Variants in DMD observed in about 807,000 individuals in gnomAD.
DMD encodes the protein mutant dystrophin.
Under a neutral mutation model 330.1 loss-of-function variants are expected in DMD, and 63 were observed. The observed-to-expected ratio is 0.19, with a 90% confidence interval of 0.16 to 0.24. The LOEUF is 0.24. DMD is among the 10% of genes least tolerant of loss of function. The pLI is 1.00. For missense variants in DMD, 3,344 were observed against 2,684.1 expected, an observed-to-expected ratio of 1.25 and a Z score of -5.43; for synonymous variants, 1,223 against 959.8, an observed-to-expected ratio of 1.27 and a Z score of -5.07.
chrX:32,887,399 G>A (rs948902809), intron 2 of DMD, among the ~76,000 whole-genome samples: 17 of 109,681 alleles, frequency 1.5e-4, no homozygotes, highest in African/African-American at 5.6e-4. Context: ...TTATATACAA[G>A]AATCGACTCA....
At chrX:33,191,008 T>TA (rs1196783036) in intron 1 of DMD, among the ~76,000 whole-genome samples, 8 of 11,325 alleles carry the variant, frequency 7.1e-4, no homozygotes, top group East Asian at 0.021. Flanking sequence ...TATAATATTA[T>TA]ATATATATAT....
chrX:32,452,298 G>GGAAAGT (rs2098333062), intron 26 of DMD, among the ~76,000 whole-genome samples: 1 of 17,690 alleles, frequency 5.7e-5, no homozygotes, highest in African/African-American at 1.5e-4. Flanking sequence ...GAAAGGAAAA[G>GGAAAGT]GAAAGGGAAA....
chrX:31,393,381 G>A (rs1321082389), intron 60 of DMD, among the ~76,000 whole-genome samples: 1 of 107,312 alleles, frequency 9.3e-6, no homozygotes, highest in Non-Finnish European at 1.9e-5. Flanking sequence ...GGAGGCTGAG[G>A]CAGGGGAATT....
intron 44 of DMD, among the ~76,000 whole-genome samples, chrX:32,137,925 A>G (rs1218637929): frequency 9.1e-6 from 1 of 109,583 alleles, no homozygotes; most frequent in Admixed American, 9.8e-5. Context: ...ATGACTAATT[A>G]TAACAGCTCT....
chrX:33,268,213 C>T (rs2053082276), intron 1 of DMD, among the ~76,000 whole-genome samples: 1 of 110,892 alleles, frequency 9.0e-6, no homozygotes, highest in African/African-American at 3.3e-5. Flanking sequence ...TGCTTTCGAA[C>T]TCCTGGCTTC....
intron 63 of DMD, among the ~76,000 whole-genome samples, chrX:31,246,573 T>C (rs2048847309): frequency 8.9e-6 from 1 of 112,454 alleles, no homozygotes; most frequent in South Asian, 3.7e-4. Flanking sequence ...CTAATGCAGC[T>C]GGTGACTAAG....
intron 1 of DMD, among the ~76,000 whole-genome samples, chrX:33,141,489 T>C (rs1194480665): frequency 9.0e-6 from 1 of 111,524 alleles, no homozygotes; most frequent in Non-Finnish European, 1.9e-5. Context: ...GGTTGACTTG[T>C]GCACTCAAAA....
intron 77 of DMD, among the ~76,000 whole-genome samples, chrX:31,130,922 T>G (rs988265537): frequency 8.9e-6 from 1 of 112,095 alleles, no homozygotes; most frequent in Non-Finnish European, 1.9e-5. Flanking sequence ...CGGCTTTTCC[T>G]CTGTGGGCAA....
At chrX:33,294,706 C>G (rs952393546) in intron 1 of DMD, among the ~76,000 whole-genome samples, 1 of 107,823 alleles carries the variant, frequency 9.3e-6, no homozygotes, top group African/African-American at 3.4e-5. Context: ...TTCTAGTTAA[C>G]ATATATTTTA....
At chrX:31,750,192 T>C (rs1461799384) in intron 51 of DMD, among the ~76,000 whole-genome samples, 15 of 109,864 alleles carry the variant, frequency 1.4e-4, no homozygotes, top group African/African-American at 5.0e-4. Flanking sequence ...CCCTTGCTTT[T>C]GGTGTTTTAG....
chrX:32,336,868 C>T (rs1364608200), intron 41 of DMD, among the ~76,000 whole-genome samples: 1 of 111,546 alleles, frequency 9.0e-6, no homozygotes, highest in Non-Finnish European at 1.9e-5. Context: ...CTTTAGGCCT[C>T]TATGTTAGCA....
At chrX:33,171,193 T>TC (rs2049323237) in intron 1 of DMD, among the ~76,000 whole-genome samples, 2 of 106,980 alleles carry the variant, frequency 1.9e-5, no homozygotes, top group Admixed American at 1.0e-4. Flanking sequence ...GAACACTCCT[T>TC]TAAACTCTCT....
At chrX:32,196,690 A>C (rs984047313) in intron 44 of DMD, among the ~76,000 whole-genome samples, 1 of 111,148 alleles carries the variant, frequency 9.0e-6, no homozygotes, top group Admixed American at 9.6e-5. Context: ...GGATCATGAT[A>C]AAACAAGACA....
intron 41 of DMD, among the ~76,000 whole-genome samples, chrX:32,322,389 T>C (rs947991724): frequency 9.1e-6 from 1 of 110,259 alleles, no homozygotes; most frequent in African/African-American, 3.3e-5. Flanking sequence ...TGACACATCA[T>C]CTCTACAAAC....
chrX:32,460,681 T>G lies in DMD; in HGVS notation c.3432+2758A>C, dbSNP rs187607829. Among the ~76,000 whole-genome samples the G allele has an allele frequency of 3.6e-5, 4 of 111,213 alleles. No individual in the cohort carries two copies. The East Asian group carries it at 1.1e-3, about 32-fold the overall frequency. The stretch of plus-strand genomic sequence containing the variant: ...TCTCCACTTCATTTTCTGGCAGAAT[T>G]CCTTGACACAACAAATTGTCAAGTT... On this transcript the variant is annotated intron_variant, in intron 25 of 78. Transcript: ENST00000357033.
At chrX:31,854,245 G>T (rs1347898238) in intron 48 of DMD, among the ~76,000 whole-genome samples, 3 of 111,668 alleles carry the variant, frequency 2.7e-5, no homozygotes, top group Non-Finnish European at 5.6e-5. Flanking sequence ...ATTGGGACAC[G>T]TTTTATAAAT....
At chrX:32,425,379 G>C (rs1478661599) in intron 29 of DMD, among the ~76,000 whole-genome samples, 1 of 110,994 alleles carries the variant, frequency 9.0e-6, no homozygotes, top group South Asian at 3.8e-4. Context: ...CACTTCCAAA[G>C]TCAATCCTTC....
intron 67 of DMD, among the ~76,000 whole-genome samples, chrX:31,189,837 AT>A (rs1346273368): frequency 8.9e-6 from 1 of 112,591 alleles, no homozygotes; most frequent in Non-Finnish European, 1.9e-5. Context: ...ACTTGTAAAG[AT>A]TTTATAAAGA....
At chrX:31,633,725 G>C in intron 54 of DMD, among the ~76,000 whole-genome samples, 1 of 112,249 alleles carries the variant, frequency 8.9e-6, no homozygotes, top group Non-Finnish European at 1.9e-5. Flanking sequence ...AAGAGGTGGA[G>C]ATCATCCAGC....
Sources: allele counts gnomAD v4.1 joint callset (sites outside exome capture counted in the v4.1 genomes callset), GRCh38; gene constraint gnomAD v4.1.1; transcripts MANE v1.5; gene names NCBI Gene and HGNC (gene_info 2026-07-23, HGNC 2026-07-21).